The following C12orf42 variants were observed in gnomAD, a reference collection of about 807,000 sequenced individuals.
The protein encoded by C12orf42 is uncharacterized protein C12orf42.
In C12orf42, 25 loss-of-function variants were observed where a neutral mutation model predicts 21.6. That is an observed-to-expected ratio of 1.16 (90% CI 0.84 to 1.62). C12orf42 has a LOEUF of 1.62. Ranked by LOEUF, C12orf42 falls within the 40% of genes most tolerant of loss-of-function variation. C12orf42 has a pLI of 0.00. For missense variants in C12orf42, 483 were observed against 459.3 expected (o/e 1.05, Z -0.47); for synonymous variants, 174 against 175.0 (o/e 0.99, Z 0.05).
intron 2 of C12orf42, among the ~76,000 whole-genome samples, chr12:103,475,151 G>A (rs904337792): frequency 6.6e-6 from 1 of 152,118 alleles, no homozygotes; most frequent in African/African-American, 2.4e-5. Flanking sequence ...TTTCTATAGA[G>A]ACAAAAAACA....
upstream of C12orf42, among the ~76,000 whole-genome samples, chr12:103,498,466 T>C (rs890348755): frequency 1.3e-5 from 2 of 152,230 alleles, no homozygotes; most frequent in Non-Finnish European, 2.9e-5. Context: ...ATATATACAA[T>C]GGGATATTAT....
the C12orf42 span, among the ~76,000 whole-genome samples, chr12:103,125,354 G>T: frequency 6.6e-6 from 1 of 152,084 alleles, no homozygotes; most frequent in Admixed American, 6.6e-5. Flanking sequence ...AATTATCTAT[G>T]ACCTCAGTCC....
chr12:103,231,701 C>A, the C12orf42 span, among the ~76,000 whole-genome samples: 1 of 152,134 alleles, frequency 6.6e-6, no homozygotes, highest in Non-Finnish European at 1.5e-5. Flanking sequence ...GTCTGTTTAT[C>A]TGTTCATCTA....
chr12:103,057,430 T>G, the C12orf42 span, among the ~76,000 whole-genome samples: 1 of 152,272 alleles, frequency 6.6e-6, no homozygotes, highest in South Asian at 2.1e-4. Context: ...TAACTCCCAC[T>G]TATGAGTGAA....
intron 3 of C12orf42, among the ~76,000 whole-genome samples, chr12:103,383,395 C>T (rs527763788): frequency 9.2e-5 from 14 of 152,170 alleles, no homozygotes; most frequent in East Asian, 5.8e-4. Flanking sequence ...TGAGCCACTG[C>T]GCCTGGCCTC....
At chr12:103,255,094 C>T (rs535167653) in intron 10 of C12orf42, among the ~76,000 whole-genome samples, 4 of 152,046 alleles carry the variant, frequency 2.6e-5, no homozygotes, top group South Asian at 2.1e-4. Context: ...ATATGTGGGC[C>T]GGGCATGATG....
At chr12:103,206,499 CT>C in the C12orf42 span, among the ~76,000 whole-genome samples, 2 of 147,088 alleles carry the variant, frequency 1.4e-5, no homozygotes, top group African/African-American at 2.5e-5. Context: ...ATACATTAAT[CT>C]TTTTTGGACC....
the C12orf42 span, among the ~76,000 whole-genome samples, chr12:103,057,306 A>G: frequency 2.0e-5 from 3 of 151,876 alleles, no homozygotes; most frequent in Non-Finnish European, 2.9e-5. Flanking sequence ...CTAGGTTTTA[A>G]GCCCCACATG....
chr12:103,356,818 GTCT>G (rs1362558151), intron 4 of C12orf42, among the ~76,000 whole-genome samples: 4 of 151,934 alleles, frequency 2.6e-5, no homozygotes, highest in Non-Finnish European at 5.9e-5. Context: ...CTGCATAAAT[GTCT>G]TCTTTTGAGA....
intron 4 of C12orf42, among the ~76,000 whole-genome samples, chr12:103,309,075 A>G (rs1232312236): frequency 6.6e-6 from 1 of 152,228 alleles, no homozygotes; most frequent in Non-Finnish European, 1.5e-5. Flanking sequence ...GTGAAAAAAT[A>G]AATTTATGTT....
chr12:103,413,551 G>T (rs10400505), intron 2 of C12orf42, among the ~76,000 whole-genome samples: 26,643 of 151,812 alleles, frequency 0.18, 2,678 homozygotes, highest in African/African-American at 0.29. Context: ...TCCTTTAGTG[G>T]TGATTTCTGA....
the C12orf42 span, among the ~76,000 whole-genome samples, chr12:103,227,507 G>T: frequency 1.3e-5 from 2 of 152,074 alleles, no homozygotes; most frequent in Non-Finnish European, 2.9e-5. Context: ...AGGGATTGGG[G>T]GTTCTTGCCC....
At chr12:103,206,177 C>G in the C12orf42 span, among the ~76,000 whole-genome samples, 1 of 152,222 alleles carries the variant, frequency 6.6e-6, no homozygotes. Context: ...CGCCAAAGGG[C>G]TAGCCCAAAT....
chr12:103,061,003 G>A, the C12orf42 span, among the ~76,000 whole-genome samples: 1 of 152,168 alleles, frequency 6.6e-6, no homozygotes, highest in African/African-American at 2.4e-5. Context: ...ATCTGGCACA[G>A]CAAGAGAACA....
chr12:103,554,913 C>A, the C12orf42 span, among the ~76,000 whole-genome samples: 1 of 152,120 alleles, frequency 6.6e-6, no homozygotes, highest in Non-Finnish European at 1.5e-5. Flanking sequence ...CAGAGCCAAA[C>A]CATATCAGGG....
chr12:103,125,517 TA>T, the C12orf42 span, among the ~76,000 whole-genome samples: 14 of 152,298 alleles, frequency 9.2e-5, no homozygotes, highest in African/African-American at 2.6e-4. Context: ...CGCATTTTTT[TA>T]AAAAAGCTAT....
the C12orf42 span, among the ~76,000 whole-genome samples, chr12:103,203,762 G>C: frequency 4.6e-5 from 7 of 152,112 alleles, no homozygotes; most frequent in African/African-American, 1.7e-4. Flanking sequence ...AGGTGTTGTT[G>C]CTTGATATCA....
intron 4 of C12orf42, among the ~76,000 whole-genome samples, chr12:103,347,488 T>C (rs2042734129): frequency 6.6e-6 from 1 of 152,182 alleles, no homozygotes; most frequent in African/African-American, 2.4e-5. Flanking sequence ...AAGTCTTTGC[T>C]ATTGTGAATA....
intron 4 of C12orf42, among the ~76,000 whole-genome samples, chr12:103,279,449 GT>G (rs1364318177): frequency 1.3e-5 from 2 of 152,182 alleles, no homozygotes; most frequent in African/African-American, 4.8e-5. Flanking sequence ...ATATTTTGTT[GT>G]TTTATATAAA....
Sources: gnomAD v4.1 joint callset for allele counts (sites outside exome capture counted in the v4.1 genomes callset) on GRCh38, gnomAD v4.1.1 for gene constraint, MANE v1.5 for transcripts, NCBI Gene and HGNC (gene_info 2026-07-23, HGNC 2026-07-21) for gene names.